Variants in PLXDC1 observed in about 807,000 individuals in gnomAD.
PLXDC1 encodes the protein plexin domain containing 1, also known as plexin domain-containing protein 1.
Under a neutral mutation model 61.3 loss-of-function variants are expected in PLXDC1, and 39 were observed. The ratio of observed to expected loss-of-function variants is 0.64; its 90% CI spans 0.49 to 0.83. PLXDC1 has a LOEUF of 0.83. PLXDC1 is among the 40% of genes least tolerant of loss of function. The probability of loss-of-function intolerance (pLI) is 0.00; values close to 1 mark genes in which losing one functional copy is unlikely to be tolerated. For missense variants in PLXDC1, 596 were observed against 666.5 expected, an observed-to-expected ratio of 0.89 and a Z score of 1.17; for synonymous variants, 212 against 254.5, an observed-to-expected ratio of 0.83 and a Z score of 1.59.
At chr17:39,092,897 G>C (rs141300576) in intron 7 of PLXDC1, among the ~76,000 whole-genome samples, 113 of 152,192 alleles carry the variant, frequency 7.4e-4, no homozygotes, top group African/African-American at 2.5e-3. Flanking sequence ...CACGGTAGCT[G>C]ACTTCCAGCT....
intron 6 of PLXDC1, among the ~76,000 whole-genome samples, chr17:39,106,619 T>C (rs566834681): frequency 6.6e-6 from 1 of 151,652 alleles, no homozygotes; most frequent in East Asian, 1.9e-4. Context: ...TGGCTCATCA[T>C]GCTGCCTTCT....
At chr17:39,128,087 C>CTATGTATATATATATATATATA (rs1304464750) in intron 2 of PLXDC1, among the ~76,000 whole-genome samples, 27 of 67,250 alleles carry the variant, frequency 4.0e-4, no homozygotes, top group African/African-American at 1.4e-3. Flanking sequence ...CTCTCTCTCT[C>CTATGTATATATATATATATATA]TCTCTATGTG....
In PLXDC1 at chr17:39,145,382, G is replaced by A. The variant is rs185244247; in HGVS notation, c.77-5550C>T. On this transcript the variant is annotated intron_variant, in intron 1 of 13. Coordinates refer to ENST00000315392, the MANE Select transcript of PLXDC1 (RefSeq NM_020405.5). ...CCAGGTTGTGCGGCCCCAGAGCCTG[G>A]GCCAAGCCATCCTCATCTCACCCAA... 7.9e-5 allele frequency among the ~76,000 whole-genome samples: 12 copies of A among 152,258 alleles called. No homozygotes were observed. The East Asian group carries it at 2.1e-3, about 27-fold the overall frequency.
chr17:39,077,380 C>CTTG (rs1909381307), intron 11 of PLXDC1, among the ~76,000 whole-genome samples: 1 of 152,206 alleles, frequency 6.6e-6, no homozygotes, highest in Admixed American at 6.5e-5. Context: ...AGCAGGGAAG[C>CTTG]CCCTAGATTG....
chr17:39,152,332 A>C (rs2045379512), upstream of PLXDC1: 1 of 403,836 alleles, frequency 2.5e-6, no homozygotes, highest in Non-Finnish European at 4.2e-6. Flanking sequence ...CTCCAGGCCT[A>C]CTCAGGGCCA....
intron 7 of PLXDC1, among the ~76,000 whole-genome samples, chr17:39,093,956 G>A (rs1228671424): frequency 6.6e-6 from 1 of 152,126 alleles, no homozygotes; most frequent in Non-Finnish European, 1.5e-5. Flanking sequence ...GCACACCCCA[G>A]CCCTCCAAGA....
At chr17:39,092,485 C>T (rs117591896) in intron 7 of PLXDC1, among the ~76,000 whole-genome samples, 43 of 152,374 alleles carry the variant, frequency 2.8e-4, no homozygotes, top group Non-Finnish European at 5.0e-4. Flanking sequence ...TTGACTCCTT[C>T]AGCATGTCGG....
At chr17:39,120,916 C>G (rs145041929) in intron 2 of PLXDC1, among the ~76,000 whole-genome samples, 1 of 152,108 alleles carries the variant, frequency 6.6e-6, no homozygotes, top group African/African-American at 2.4e-5. Flanking sequence ...CGCCATCACG[C>G]GCAGCTAATT....
intron 1 of PLXDC1, among the ~76,000 whole-genome samples, chr17:39,147,108 A>G (rs2045347371): frequency 6.7e-6 from 1 of 150,130 alleles, no homozygotes; most frequent in Non-Finnish European, 1.5e-5. Flanking sequence ...GGCATGTACC[A>G]CCACGCCCAG....
chr17:39,097,104 G>A (rs1022940002), intron 7 of PLXDC1: 20 of 422,196 alleles, frequency 4.7e-5, no homozygotes, highest in Non-Finnish European at 1.0e-4. Context: ...TGCCTAGCAG[G>A]GGTGGGGAGG....
intron 2 of PLXDC1, among the ~76,000 whole-genome samples, chr17:39,132,849 C>T (rs1017415485): frequency 3.3e-5 from 5 of 152,056 alleles, no homozygotes; most frequent in African/African-American, 4.8e-5. Context: ...GCAGCCCACC[C>T]GCCAGCCCTC....
intron 1 of PLXDC1, among the ~76,000 whole-genome samples, chr17:39,145,566 G>C (rs866136069): frequency 6.6e-6 from 1 of 152,080 alleles, no homozygotes; most frequent in Non-Finnish European, 1.5e-5. Context: ...ATCTCTCTCC[G>C]GCTTCCAGCT....
At chr17:39,128,881 G>A (rs899756204) in intron 2 of PLXDC1, among the ~76,000 whole-genome samples, 16 of 151,782 alleles carry the variant, frequency 1.1e-4, no homozygotes, top group South Asian at 4.2e-4. Context: ...GTGGTGGCAC[G>A]CGCCTGTAGT....
intron 5 of PLXDC1, chr17:39,107,884 A>T: frequency 1.7e-6 from 1 of 583,146 alleles, no homozygotes; most frequent in South Asian, 2.1e-5. Context: ...GGCCCCTAAC[A>T]TTTATTTTAC....
chr17:39,109,232 C>T lies in PLXDC1; in HGVS notation c.399+16G>A, dbSNP rs368546803. 10 of 1,597,098 alleles carry T rather than the reference C, an allele frequency of 6.3e-6. No homozygotes were observed. The highest frequency in any genetic ancestry group is 1.7e-4 in the Middle Eastern group (1 of 5,976). On this transcript the variant is annotated intron_variant, in intron 3 of 13. Coordinates refer to ENST00000315392, the MANE Select transcript of PLXDC1 (RefSeq NM_020405.5). ...TCCCAGCACAGGGAAGCATGGCTGG[C>T]GACTGGGGCACTCACCGAAGCCTGC...
At chr17:39,078,904 C>T (rs759431324) in intron 10 of PLXDC1, among the ~76,000 whole-genome samples, 200 bp downstream of exon 10, 11 of 152,204 alleles carry the variant, frequency 7.2e-5, no homozygotes, top group Non-Finnish European at 1.0e-4. Flanking sequence ...GTCTCAGAGA[C>T]CCACAGAGCC....
chr17:39,070,618 C>G (rs1567751974), intron 12 of PLXDC1: 3 of 152,180 alleles, frequency 2.0e-5, no homozygotes, highest in Admixed American at 2.0e-4. Flanking sequence ...CTGTCCACTC[C>G]CAGATTGTGA....
At chr17:39,090,842 C>T (rs1209073443) in intron 7 of PLXDC1, among the ~76,000 whole-genome samples, 1 of 151,992 alleles carries the variant, frequency 6.6e-6, no homozygotes, top group East Asian at 1.9e-4. Flanking sequence ...AAGGATGGCA[C>T]GCATTGCTTT....
At chr17:39,117,339 T>G (rs952206710) in intron 2 of PLXDC1, among the ~76,000 whole-genome samples, 45 of 152,118 alleles carry the variant, frequency 3.0e-4, no homozygotes, top group Admixed American at 9.2e-4. Context: ...AAACACCAGC[T>G]GGGGGGTAGG....
Sources: allele counts gnomAD v4.1 joint callset (sites outside exome capture counted in the v4.1 genomes callset), GRCh38; gene constraint gnomAD v4.1.1; transcripts MANE v1.5; gene names NCBI Gene and HGNC (gene_info 2026-07-23, HGNC 2026-07-21).